The following SEC23IP variants were observed in gnomAD, a reference collection of about 807,000 sequenced individuals.
SEC23IP encodes the protein SEC23 interacting protein.
A neutral mutation model predicts 113.4 loss-of-function variants in SEC23IP; 70 were observed. The ratio of observed to expected loss-of-function variants is 0.62; its 90% confidence interval spans 0.51 to 0.75. The LOEUF (loss-of-function observed/expected upper bound fraction) is 0.75, where lower values mean the gene tolerates loss of function less well. SEC23IP is among the 30% of genes least tolerant of loss of function. SEC23IP has a pLI of 0.00. For synonymous variants in SEC23IP, 398 were observed against 421.0 expected (o/e 0.95, Z 0.67); for missense variants, 1,160 against 1,204.9 (o/e 0.96, Z 0.55).
At chr10:119,909,440 G>A (rs1346708297) in intron 5 of SEC23IP, among the ~76,000 whole-genome samples, 2 of 152,106 alleles carry the variant, frequency 1.3e-5, no homozygotes, top group East Asian at 3.9e-4. Flanking sequence ...AGAAAAATTA[G>A]CTGGGTGTAG....
intron 4 of SEC23IP, among the ~76,000 whole-genome samples, chr10:119,907,168 C>T (rs1055082295): frequency 5.3e-5 from 8 of 151,714 alleles, no homozygotes; most frequent in Admixed American, 2.0e-4. Context: ...TGGTTATGCA[C>T]GCCTGTAATC....
chr10:119,916,420 A>G (rs888523594), intron 8 of SEC23IP, among the ~76,000 whole-genome samples: 1 of 152,192 alleles, frequency 6.6e-6, no homozygotes, highest in African/African-American at 2.4e-5. Context: ...ACTCTGCTCA[A>G]TTTTGAATGC....
chr10:119,892,926 C>T lies in SEC23IP; in HGVS notation c.144C>T (p.Ala48=). 1 of 1,613,054 alleles carries T rather than the reference C, an allele frequency of 6.2e-7. No individual in the cohort carries two copies. The highest frequency in any genetic ancestry group is 8.5e-7 in the Non-Finnish European group (1 of 1,179,468). Residue 48 remains alanine, a synonymous_variant, in exon 1 of 19, where the codon GCC becomes GCT. Transcript: ENST00000369075. ...IPVTQASASP[A]SLLLPGEDST... ...TCACCCAGGCCTCCGCTTCTCCGGCCTCCCTGCTCTTACCGGGAGGTAATA... is the reference window on the plus strand; with the variant it reads ...TCACCCAGGCCTCCGCTTCTCCGGCTTCCCTGCTCTTACCGGGAGGTAATA...
intron 13 of SEC23IP, among the ~76,000 whole-genome samples, chr10:119,926,600 T>C (rs947262159): frequency 6.6e-6 from 1 of 152,348 alleles, no homozygotes; most frequent in African/African-American, 2.4e-5. Context: ...TGTTTCCTAG[T>C]ACTCATAATT....
At chr10:119,897,302 G>T (rs150880682) in intron 1 of SEC23IP, among the ~76,000 whole-genome samples, 1 of 152,230 alleles carries the variant, frequency 6.6e-6, no homozygotes, top group East Asian at 1.9e-4. Flanking sequence ...CTTTTGAGGT[G>T]ATATACAGGG....
chr10:119,930,013 C>T (rs1218309733), intron 14 of SEC23IP, among the ~76,000 whole-genome samples: 1 of 152,098 alleles, frequency 6.6e-6, no homozygotes, highest in African/African-American at 2.4e-5. Flanking sequence ...TTCTCATATT[C>T]TTATTTCTTG....
intron 13 of SEC23IP, among the ~76,000 whole-genome samples, chr10:119,927,155 C>T (rs1215008209): frequency 6.6e-6 from 1 of 152,190 alleles, no homozygotes; most frequent in Non-Finnish European, 1.5e-5. Context: ...GACTTGGCTT[C>T]GCAAAGTGCC....
intron 18 of SEC23IP, 117 bp downstream of exon 18, chr10:119,933,904 G>T: frequency 4.1e-6 from 2 of 493,174 alleles, no homozygotes; most frequent in Non-Finnish European, 7.2e-6. Context: ...TTTTGTCGTC[G>T]TTTTTAAAAA....
intron 13 of SEC23IP, among the ~76,000 whole-genome samples, chr10:119,927,802 T>C (rs1855470921): frequency 6.6e-6 from 1 of 152,200 alleles, no homozygotes; most frequent in Non-Finnish European, 1.5e-5. Context: ...AGTAGTCTAG[T>C]GATGAACATT....
intron 7 of SEC23IP, 148 bp from the exon 8 acceptor site, chr10:119,915,600 A>AT (rs1347855812): frequency 3.5e-6 from 2 of 576,896 alleles, no homozygotes; most frequent in Non-Finnish European, 5.3e-6. Flanking sequence ...TTTTTAAAAA[A>AT]TTTTACTAAT....
chr10:119,925,956 T>C (rs907666134), intron 12 of SEC23IP, 80 bp from the exon 13 acceptor site: 4 of 1,159,590 alleles, frequency 3.4e-6, no homozygotes, highest in Non-Finnish European at 4.9e-6. Flanking sequence ...TCCTTAATAC[T>C]GAGATAGCAT....
chr10:119,903,567 A>C (rs1854566193), intron 3 of SEC23IP, among the ~76,000 whole-genome samples: 1 of 152,148 alleles, frequency 6.6e-6, no homozygotes, highest in Non-Finnish European at 1.5e-5. Context: ...CAGTTCTTTG[A>C]ATTATGTTTT....
chr10:119,912,642 CTTTT>C (rs760515822), intron 6 of SEC23IP, among the ~76,000 whole-genome samples: 1 of 116,420 alleles, frequency 8.6e-6, no homozygotes, highest in African/African-American at 2.9e-5. Flanking sequence ...TTTTCTTTTT[CTTTT>C]TTTTTTTTTT....
intron 14 of SEC23IP, 53 bp downstream of exon 14, chr10:119,929,815 A>G (rs1008412338): frequency 1.9e-5 from 26 of 1,382,018 alleles, no homozygotes; most frequent in Middle Eastern, 3.7e-4. Flanking sequence ...TTTTTTAAAC[A>G]TTTTTTACTT....
chr10:119,899,901 T>C (rs982069833), intron 2 of SEC23IP, among the ~76,000 whole-genome samples: 5 of 152,306 alleles, frequency 3.3e-5, no homozygotes, highest in Admixed American at 6.5e-5. Flanking sequence ...CAGGTTTACT[T>C]ATCATTAACA....
At chr10:119,905,461 T>C (rs2475303) in intron 4 of SEC23IP, among the ~76,000 whole-genome samples, 107,942 of 151,604 alleles carry the variant, frequency 0.71, 38,680 homozygotes, top group East Asian at 0.82. Flanking sequence ...ATCCACATAC[T>C]GACCACTGCA....
At chr10:119,895,071 A>C (rs976895354) in intron 1 of SEC23IP, among the ~76,000 whole-genome samples, 2 of 152,150 alleles carry the variant, frequency 1.3e-5, no homozygotes, top group Admixed American at 6.6e-5. Context: ...GAGACACAGG[A>C]AGCAATTTCA....
intron 16 of SEC23IP, 136 bp from the exon 17 acceptor site, chr10:119,932,869 A>C: frequency 1.5e-6 from 1 of 684,134 alleles, no homozygotes; most frequent in South Asian, 2.1e-5. Context: ...CTTTGGAGGA[A>C]CGGGGAGTGA....
At chr10:119,898,382 TG>T in intron 1 of SEC23IP, 44 bp from the exon 2 acceptor site, 2 of 1,539,214 alleles carry the variant, frequency 1.3e-6, no homozygotes, top group Admixed American at 4.1e-5. Flanking sequence ...ATCTGCGGAG[TG>T]ATAGAGTACC....
Sources: allele counts gnomAD v4.1 joint callset (sites outside exome capture counted in the v4.1 genomes callset), GRCh38; gene constraint gnomAD v4.1.1; transcripts MANE v1.5; gene names NCBI Gene and HGNC (gene_info 2026-07-23, HGNC 2026-07-21).